The following SORCS1 variants were observed in gnomAD, a reference collection of about 807,000 sequenced individuals.
SORCS1 encodes VPS10 domain-containing receptor SorCS1.
SORCS1 carries 60 observed loss-of-function variants against 146.1 expected under a neutral mutation model. The ratio of observed to expected loss-of-function variants is 0.41; its 90% confidence interval spans 0.33 to 0.51. SORCS1 has a LOEUF of 0.51. Among genes scored for constraint, SORCS1 ranks in the 20% least tolerant of loss-of-function variants. The pLI is 0.21. For synonymous variants in SORCS1, 637 were observed against 584.0 expected (o/e 1.09, Z -1.31); for missense variants, 1,352 against 1,487.6 (o/e 0.91, Z 1.50).
chr10:106,864,817 A>G (rs963520099), intron 2 of SORCS1, among the ~76,000 whole-genome samples: 4 of 152,212 alleles, frequency 2.6e-5, no homozygotes, highest in African/African-American at 4.8e-5. Context: ...CAAGGTAACC[A>G]GGGGCTGAAG....
intron 2 of SORCS1, among the ~76,000 whole-genome samples, chr10:106,947,448 C>T (rs896944704): frequency 2.0e-5 from 3 of 152,134 alleles, no homozygotes; most frequent in African/African-American, 7.2e-5. Flanking sequence ...GTAGCACAGG[C>T]ATTCAGAGAA....
rs1335527181 is a variant in SORCS1 at position 106,688,333 on chromosome 10, T to G, written c.1419A>C (p.Ala473=). The change falls in exon 10 of 26, where the codon GCA becomes GCC. Residue 473 remains alanine, a synonymous_variant. Transcript: ENST00000263054. Reference sequence around the variant, plus strand: ...TAGCCAAGAACATTCCCTTTATCCCTGCTACCTGGGAAAAATTGACATGGC... The same window carrying G: ...TAGCCAAGAACATTCCCTTTATCCCGGCTACCTGGGAAAAATTGACATGGC... The part of the protein sequence containing the change: ...GNIMIDLYEV[A]GIKGMFLANK... 6.2e-7 allele frequency: 1 copy of G among 1,610,456 alleles called. No individual in the cohort carries two copies. The highest frequency in any genetic ancestry group is 8.5e-7 in the Non-Finnish European group (1 of 1,178,962).
intron 2 of SORCS1, among the ~76,000 whole-genome samples, chr10:106,903,918 C>A (rs570015594): frequency 6.6e-6 from 1 of 152,308 alleles, no homozygotes; most frequent in East Asian, 1.9e-4. Context: ...TGGGTTGCAT[C>A]ATTACCACTG....
At chr10:106,649,043 C>A (rs1017704119) in intron 18 of SORCS1, among the ~76,000 whole-genome samples, 4 of 152,258 alleles carry the variant, frequency 2.6e-5, no homozygotes, top group African/African-American at 9.6e-5. Flanking sequence ...CCCACTCCAT[C>A]CCCTTCTGGC....
chr10:106,635,962 A>C (rs1337699961), intron 18 of SORCS1, among the ~76,000 whole-genome samples: 2 of 152,214 alleles, frequency 1.3e-5, no homozygotes, highest in Non-Finnish European at 2.9e-5. Flanking sequence ...AGGGAGGTAG[A>C]CTCAGGTTAG....
intron 24 of SORCS1, among the ~76,000 whole-genome samples, chr10:106,591,757 A>T (rs1435518559): frequency 6.6e-6 from 1 of 152,134 alleles, no homozygotes; most frequent in Non-Finnish European, 1.5e-5. Context: ...CTAGAAATCC[A>T]TGTGATTTCA....
chr10:106,776,673 G>T lies in SORCS1; in HGVS notation c.746C>A (p.Pro249Gln), dbSNP rs375163054. The T allele has an allele frequency of 6.2e-7, 1 of 1,613,336 alleles. No individual in the cohort carries two copies. The highest frequency in any genetic ancestry group is 8.5e-7 in the Non-Finnish European group (1 of 1,179,470). ...GATCAATAAACTGCTCTCAATCTCC[G>T]GGTCTGTGAGTAACATTATCTGCAG... is the stretch of plus-strand genomic sequence containing the variant. ...NKRKIMLLTDPEIESSLLISS... is the reference protein window; with the variant it reads ...NKRKIMLLTDQEIESSLLISS... The change falls in exon 4 of 26, where the codon CCG becomes CAG. Residue 249 changes from proline (P) to glutamine (Q), a missense_variant. Coordinates refer to ENST00000263054, the MANE Select transcript of SORCS1 (RefSeq NM_052918.5).
intron 1 of SORCS1, among the ~76,000 whole-genome samples, chr10:106,993,120 A>G (rs984585315): frequency 1.3e-5 from 2 of 151,790 alleles, no homozygotes; most frequent in African/African-American, 2.4e-5. Flanking sequence ...ATGAGCCACC[A>G]CGCCCAGCCG....
Position 106,951,513 on chromosome 10 carries a change from G to GAAA in SORCS1, c.626+4997_626+4999dup, listed in dbSNP as rs367987734. Among the ~76,000 whole-genome samples, 127 of 113,942 alleles carry GAAA rather than the reference G, an allele frequency of 1.1e-3. 2 individuals carry two copies. The highest frequency in any genetic ancestry group is 3.6e-3 in the African/African-American group (100 of 28,126). The allele number at this position is 113,942 out of a possible 152,430, so 74.8% of individuals were successfully genotyped here. ...GGTGACAGAGCAAGACTCCGTCTCT[G>GAAA]AAAAAAAAAAAAAAAAACGGAACAC... On this transcript the variant is annotated intron_variant, in intron 2 of 25. Transcript: ENST00000263054.
Position 106,652,567 on chromosome 10 carries a change from A to G in SORCS1, c.2304-14T>C, listed in dbSNP as rs1849953615. ...ACCTTCCTGTACCTAAATGGAAAAA[A>G]GCTCAAGTCGTAAACCAGCTCATTA... On this transcript the variant is annotated splice_polypyrimidine_tract_variant and intron_variant, in intron 17 of 25. Coordinates refer to ENST00000263054, the MANE Select transcript of SORCS1 (RefSeq NM_052918.5). 1 of 1,609,734 alleles carries G rather than the reference A, an allele frequency of 6.2e-7. No homozygotes were observed. The highest frequency in any genetic ancestry group is 2.2e-5 in the East Asian group (1 of 44,752).
intron 1 of SORCS1, among the ~76,000 whole-genome samples, chr10:106,988,246 C>T (rs1956577180): frequency 6.6e-6 from 1 of 152,220 alleles, no homozygotes; most frequent in Non-Finnish European, 1.5e-5. Flanking sequence ...GGAATCTAGC[C>T]ACTTACTTCC....
chr10:106,996,658 T>C (rs1957018995), intron 1 of SORCS1, among the ~76,000 whole-genome samples: 1 of 152,172 alleles, frequency 6.6e-6, no homozygotes, highest in Non-Finnish European at 1.5e-5. Flanking sequence ...GCCCTACAAT[T>C]TTCCCATTTG....
At chr10:106,917,483 T>C (rs1020650127) in intron 2 of SORCS1, among the ~76,000 whole-genome samples, 2 of 152,196 alleles carry the variant, frequency 1.3e-5, no homozygotes, top group African/African-American at 4.8e-5. Flanking sequence ...GTATCCCCGA[T>C]GGTACTAAAC....
At chr10:106,674,985 T>C (rs1851916224) in intron 14 of SORCS1, 64 bp downstream of exon 14, 2 of 1,315,192 alleles carry the variant, frequency 1.5e-6, no homozygotes, top group Non-Finnish European at 2.2e-6. Flanking sequence ...GGCTTAGCTA[T>C]AAAACATTTT....
Position 107,144,116 on chromosome 10 carries a change from C to A in SORCS1, c.558+19853G>T, listed in dbSNP as rs117946789. ...TTAGAGCTTGCTTGTCTCATGTTTT[C>A]ATCTGGAAAATCCTATTTATCTTTT... On this transcript the variant is annotated intron_variant, in intron 1 of 25. Coordinates refer to ENST00000263054, the MANE Select transcript of SORCS1 (RefSeq NM_052918.5). 1.0e-3 allele frequency among the ~76,000 whole-genome samples: 158 copies of A among 152,286 alleles called. 2 individuals carry two copies. In the East Asian group the frequency reaches 0.028, roughly 27 times the overall value.
intron 1 of SORCS1, among the ~76,000 whole-genome samples, chr10:106,996,571 A>G (rs1338436911): frequency 6.6e-6 from 1 of 152,182 alleles, no homozygotes. Context: ...AGTCAAATGC[A>G]CAAGTTCTCT....
intron 3 of SORCS1, among the ~76,000 whole-genome samples, chr10:106,822,782 G>GTTTTTTTTTTTTTTTTTTTTTTTTTTT (rs1158921880): frequency 1.8e-5 from 2 of 113,168 alleles, no homozygotes; most frequent in African/African-American, 7.6e-5. Flanking sequence ...TTCATGTGTG[G>GTTTTTTTTTTTTTTTTTTTTTTTTTTT]TTTTTTTTTT....
intron 18 of SORCS1, among the ~76,000 whole-genome samples, chr10:106,642,085 A>C (rs1849108515): frequency 3.3e-5 from 5 of 152,234 alleles, no homozygotes; most frequent in Admixed American, 3.3e-4. Context: ...CTAATGGTTT[A>C]GATGAAATGC....
intron 6 of SORCS1, among the ~76,000 whole-genome samples, chr10:106,720,096 T>C (rs987637440): frequency 6.6e-6 from 1 of 152,206 alleles, no homozygotes; most frequent in African/African-American, 2.4e-5. Flanking sequence ...ACTCTGTTTT[T>C]CTCACACATT....
Sources: allele counts gnomAD v4.1 joint callset (sites outside exome capture counted in the v4.1 genomes callset), GRCh38; gene constraint gnomAD v4.1.1; transcripts MANE v1.5; gene names NCBI Gene and HGNC (gene_info 2026-07-23, HGNC 2026-07-21).